Variants in ERCC6L2 observed in about 807,000 individuals in gnomAD.
ERCC6L2 encodes ERCC excision repair 6 like 2, also known as DNA excision repair protein ERCC-6-like 2.
A neutral mutation model predicts 132.0 loss-of-function variants in ERCC6L2; 77 were observed. That is an observed-to-expected ratio of 0.58 (90% confidence interval 0.49 to 0.71). The LOEUF is 0.71. Ranked by LOEUF, ERCC6L2 falls within the 30% of genes least tolerant of loss-of-function variation. ERCC6L2 has a pLI of 0.00. For synonymous variants in ERCC6L2, 583 were observed against 632.4 expected, an observed-to-expected ratio of 0.92 and a Z score of 1.17; for missense variants, 1,542 against 1,837.6, an observed-to-expected ratio of 0.84 and a Z score of 2.94.
At chr9:95,954,374 C>T (rs1324918981) in intron 12 of ERCC6L2, among the ~76,000 whole-genome samples, 2 of 152,122 alleles carry the variant, frequency 1.3e-5, no homozygotes. Context: ...CTTTGGTATT[C>T]ACTGAAAGTT....
chr9:95,894,375 A>G (rs1308459547), intron 2 of ERCC6L2, among the ~76,000 whole-genome samples: 3 of 152,178 alleles, frequency 2.0e-5, no homozygotes, highest in Admixed American at 2.0e-4. Context: ...CAAATTCAAC[A>G]TGTATTGTTA....
At chr9:95,891,562 A>T (rs766216052) in intron 2 of ERCC6L2, among the ~76,000 whole-genome samples, 1 of 151,072 alleles carries the variant, frequency 6.6e-6, no homozygotes, top group Non-Finnish European at 1.5e-5. Flanking sequence ...CTAGAATTGG[A>T]ATTAGTGGGT....
At chr9:95,957,282 G>T (rs2132994882) in intron 13 of ERCC6L2, among the ~76,000 whole-genome samples, 1 of 152,236 alleles carries the variant, frequency 6.6e-6, no homozygotes, top group African/African-American at 2.4e-5. Flanking sequence ...TCTGCCACAT[G>T]TGTTGGTAGT....
rs112739669 is a variant in ERCC6L2 at position 96,023,887 on chromosome 9, G to A, written c.*1504-14989G>A. On this transcript the variant is annotated intron_variant and NMD_transcript_variant, in intron 19 of 20. Coordinates refer to the ERCC6L2 transcript ENST00000670016. ...TGGAACCGAGGATTGCAGTAACCAGGGGCTCAGAAAGCTGAGATATCCCTC... is the reference window on the plus strand; with the variant it reads ...TGGAACCGAGGATTGCAGTAACCAGAGGCTCAGAAAGCTGAGATATCCCTC... Among the ~76,000 whole-genome samples the A allele has an allele frequency of 1.9e-3, 288 of 152,314 alleles. 2 individuals are homozygous for A. The highest frequency in any genetic ancestry group is 6.8e-3 in the African/African-American group (282 of 41,574).
intron 3 of ERCC6L2, chr9:95,906,668 G>T: frequency 4.4e-6 from 2 of 457,328 alleles, no homozygotes; most frequent in Middle Eastern, 6.5e-4. Flanking sequence ...AGGAAAGAGA[G>T]CTCCAGGAGA....
chr9:95,886,860 G>A (rs1401345433), intron 2 of ERCC6L2, among the ~76,000 whole-genome samples: 4 of 152,160 alleles, frequency 2.6e-5, no homozygotes, highest in African/African-American at 9.7e-5. Context: ...AGCTGCCAGC[G>A]TGGCTAGAAG....
chr9:95,947,022 T>C (rs909147659), intron 12 of ERCC6L2, among the ~76,000 whole-genome samples: 1 of 152,156 alleles, frequency 6.6e-6, no homozygotes, highest in Non-Finnish European at 1.5e-5. Context: ...TTAGGCCAAT[T>C]AGTAACTCTG....
At chr9:96,026,535 C>T (rs983617478) in intron 19 of ERCC6L2, among the ~76,000 whole-genome samples, 5 of 152,174 alleles carry the variant, frequency 3.3e-5, no homozygotes, top group African/African-American at 1.2e-4. Context: ...TGCTCCACAC[C>T]CCATGCGGAG....
At chr9:95,991,255 A>G (rs543623137) in intron 17 of ERCC6L2, among the ~76,000 whole-genome samples, 3 of 152,256 alleles carry the variant, frequency 2.0e-5, no homozygotes, top group East Asian at 1.9e-4. Context: ...CAGCTCTTCT[A>G]TATCACTAGT....
chr9:95,965,710 G>A (rs1832123364), intron 13 of ERCC6L2, among the ~76,000 whole-genome samples: 2 of 151,950 alleles, frequency 1.3e-5, no homozygotes, highest in Admixed American at 1.3e-4. Flanking sequence ...TCACCACGTC[G>A]ACCAGGTTGG....
chr9:95,945,066 TG>T (rs1830989744), intron 12 of ERCC6L2, among the ~76,000 whole-genome samples: 1 of 152,204 alleles, frequency 6.6e-6, no homozygotes, highest in African/African-American at 2.4e-5. Context: ...ATTTATTAGG[TG>T]GGAATTTCCT....
chr9:95,952,318 A>G (rs1396024652), intron 12 of ERCC6L2, among the ~76,000 whole-genome samples: 1 of 152,102 alleles, frequency 6.6e-6, no homozygotes, highest in Non-Finnish European at 1.5e-5. Context: ...ACTACAGACC[A>G]ATAATCTTTA....
intron 12 of ERCC6L2, chr9:95,954,714 C>T (rs1447185631): frequency 6.4e-6 from 3 of 466,278 alleles, no homozygotes; most frequent in Non-Finnish European, 1.3e-5. Flanking sequence ...AGATCCATTT[C>T]TGGTTTTCTT....
intron 17 of ERCC6L2, among the ~76,000 whole-genome samples, chr9:95,997,815 GAGTTA>G (rs72129100): frequency 0.13 from 19,946 of 152,182 alleles, 1,347 homozygotes; most frequent in South Asian, 0.23. Context: ...GAACAAGTTT[GAGTTA>G]AGTTCACGTA....
At chr9:95,973,359 A>G (rs1832518108) in intron 16 of ERCC6L2, among the ~76,000 whole-genome samples, 3 of 152,164 alleles carry the variant, frequency 2.0e-5, no homozygotes, top group Admixed American at 1.3e-4. Flanking sequence ...TAGCCTCTAT[A>G]GTAATTACTT....
chr9:96,035,403 C>A (rs72743917), intron 19 of ERCC6L2, among the ~76,000 whole-genome samples: 1,559 of 152,296 alleles, frequency 0.01, 13 homozygotes, highest in Non-Finnish European at 0.016. Context: ...GCCATGAAAG[C>A]CTGGTGCTCA....
chr9:95,923,531 C>T (rs2132756577), intron 9 of ERCC6L2, 152 bp downstream of exon 9: 2 of 829,736 alleles, frequency 2.4e-6, no homozygotes, highest in East Asian at 2.7e-5. Context: ...TCAGCATTTA[C>T]TAGGTCACTA....
intron 19 of ERCC6L2, among the ~76,000 whole-genome samples, chr9:96,030,710 A>G (rs1394584419): frequency 1.3e-5 from 2 of 151,504 alleles, no homozygotes; most frequent in Non-Finnish European, 2.9e-5. Context: ...TCAAAAAAAA[A>G]AAAAAAAAAA....
chr9:95,979,277 G>A (rs2133112082), intron 17 of ERCC6L2, among the ~76,000 whole-genome samples: 1 of 152,300 alleles, frequency 6.6e-6, no homozygotes, highest in South Asian at 2.1e-4. Flanking sequence ...TGGCATTAAT[G>A]TCTGGAAGCC....
Sources: gnomAD v4.1 joint callset for allele counts (sites outside exome capture counted in the v4.1 genomes callset) on GRCh38, gnomAD v4.1.1 for gene constraint, MANE v1.5 for transcripts, NCBI Gene and HGNC (gene_info 2026-07-23, HGNC 2026-07-21) for gene names.